The following B3GNT2 variants were observed in gnomAD, a reference collection of about 807,000 sequenced individuals.
The protein encoded by B3GNT2 is N-acetyllactosaminide beta-1,3-N-acetylglucosaminyltransferase 2.
B3GNT2 carries 12 observed loss-of-function variants against 27.6 expected under a neutral mutation model. The observed-to-expected ratio is 0.44, with a 90% CI of 0.28 to 0.71. The LOEUF (loss-of-function observed/expected upper bound fraction) is 0.71, where lower values mean the gene tolerates loss of function less well. Among genes scored for constraint, B3GNT2 ranks in the 30% least tolerant of loss-of-function variants. The probability of loss-of-function intolerance (pLI) is 0.17; values close to 1 mark genes in which losing one functional copy is unlikely to be tolerated. For synonymous variants in B3GNT2, 192 were observed against 189.7 expected (o/e 1.01, Z -0.10); for missense variants, 413 against 488.5 (o/e 0.85, Z 1.46).
chr2:62,208,477 T>C (rs1405785757), intron 1 of B3GNT2, among the ~76,000 whole-genome samples: 1 of 152,176 alleles, frequency 6.6e-6, no homozygotes, highest in Non-Finnish European at 1.5e-5. Flanking sequence ...TCCTGAGTCA[T>C]GTTTTTAGGT....
At chr2:62,208,670 G>T (rs1428528806) in intron 1 of B3GNT2, among the ~76,000 whole-genome samples, 1 of 152,124 alleles carries the variant, frequency 6.6e-6, no homozygotes, top group African/African-American at 2.4e-5. Context: ...ATCCAAGAAT[G>T]GTTTGCTAGA....
chr2:62,220,288 A>G (rs764137776), intron 1 of B3GNT2, among the ~76,000 whole-genome samples: 6 of 152,234 alleles, frequency 3.9e-5, no homozygotes, highest in Non-Finnish European at 8.8e-5. Flanking sequence ...TAGACGCAAG[A>G]TGGAGTCAGC....
chr2:62,200,556 T>C (rs562967870), intron 1 of B3GNT2, among the ~76,000 whole-genome samples: 58 of 152,294 alleles, frequency 3.8e-4, no homozygotes, highest in African/African-American at 1.3e-3. Context: ...GTCCATAAGA[T>C]GAGGATTTTT....
At chr2:62,207,178 A>G (rs1033300051) in intron 1 of B3GNT2, among the ~76,000 whole-genome samples, 2 of 151,182 alleles carry the variant, frequency 1.3e-5, no homozygotes, top group South Asian at 2.1e-4. Context: ...CTCAAACTCT[A>G]CAGTTTTGTT....
chr2:62,220,172 G>T (rs1674662123), intron 1 of B3GNT2, among the ~76,000 whole-genome samples: 1 of 152,218 alleles, frequency 6.6e-6, no homozygotes, highest in Non-Finnish European at 1.5e-5. Flanking sequence ...GTTTTATGGA[G>T]GGACTGTTAC....
At chr2:62,215,131 C>T (rs1674548827) in intron 1 of B3GNT2, among the ~76,000 whole-genome samples, 1 of 152,170 alleles carries the variant, frequency 6.6e-6, no homozygotes, top group South Asian at 2.1e-4. Flanking sequence ...TATGTCCTGC[C>T]AGATGCTTTG....
At chr2:62,219,801 G>T (rs1022636886) in intron 1 of B3GNT2, among the ~76,000 whole-genome samples, 7 of 152,176 alleles carry the variant, frequency 4.6e-5, no homozygotes, top group African/African-American at 1.7e-4. Context: ...AAGGTATGAG[G>T]TTAGGTTTTT....
At chr2:62,216,060 G>A (rs949084845) in intron 1 of B3GNT2, among the ~76,000 whole-genome samples, 2 of 152,126 alleles carry the variant, frequency 1.3e-5, no homozygotes, top group Non-Finnish European at 2.9e-5. Flanking sequence ...AGCCCATGGC[G>A]GGGGAGTCAG....
chr2:62,210,995 A>T (rs995673191), intron 1 of B3GNT2, among the ~76,000 whole-genome samples: 2 of 152,144 alleles, frequency 1.3e-5, no homozygotes, highest in Non-Finnish European at 2.9e-5. Context: ...TGATGTGTCT[A>T]GGAGGGTGTT....
At chr2:62,209,188 C>G (rs1423566334) in intron 1 of B3GNT2, among the ~76,000 whole-genome samples, 3 of 151,996 alleles carry the variant, frequency 2.0e-5, no homozygotes, top group African/African-American at 7.3e-5. Context: ...GTTGATAGCC[C>G]AGAATGGAAG....
chr2:62,197,237 G>A (rs959275164), intron 1 of B3GNT2, among the ~76,000 whole-genome samples: 2 of 152,180 alleles, frequency 1.3e-5, no homozygotes, highest in Non-Finnish European at 2.9e-5. Context: ...ACTCCAGCAC[G>A]GCAGGCGGAC....
chr2:62,222,549 A>G lies in B3GNT2; in HGVS notation c.329A>G (p.Asn110Ser), dbSNP rs745565189. 6.2e-7 allele frequency: 1 copy of G among 1,614,176 alleles called. No homozygotes were observed. Among genetic ancestry groups the G allele is most frequent in the East Asian group, 2.2e-5 (1 of 44,890 alleles). ...GTCACGTCGGTGGTTACGGGTTTTA[A>G]CAACTTGCCGGACAGATTTAAAGAC... ...LRVTSVVTGF[N>S]NLPDRFKDFL... The change falls in exon 2 of 2, where the codon AAC becomes AGC. Residue 110 changes from asparagine to serine, a missense_variant. Transcript: ENST00000301998. The surrounding 1 kb of genome is among the most constrained non-coding windows in gnomAD (Gnocchi z 4.2).
intron 1 of B3GNT2, among the ~76,000 whole-genome samples, chr2:62,197,988 A>C (rs534742180): frequency 3.3e-5 from 5 of 152,376 alleles, no homozygotes; most frequent in Non-Finnish European, 7.3e-5. Flanking sequence ...ACAGAAGTGA[A>C]GGAGCCCCAT....
intron 1 of B3GNT2, among the ~76,000 whole-genome samples, chr2:62,212,312 C>G (rs1227741402): frequency 6.6e-6 from 1 of 152,116 alleles, no homozygotes; most frequent in Non-Finnish European, 1.5e-5. Context: ...GTACCAGGAG[C>G]CTAAGACTGG....
At chr2:62,203,855 G>C (rs546922317) in intron 1 of B3GNT2, among the ~76,000 whole-genome samples, 5 of 152,258 alleles carry the variant, frequency 3.3e-5, no homozygotes, top group Admixed American at 1.3e-4. Context: ...TGTCTTTGTA[G>C]CTATGGCAAC....
intron 1 of B3GNT2, among the ~76,000 whole-genome samples, chr2:62,204,588 T>G (rs1389846743): frequency 6.6e-6 from 1 of 152,240 alleles, no homozygotes; most frequent in Non-Finnish European, 1.5e-5. Context: ...TTTACCTTTA[T>G]TATTTTATGG....
chr2:62,202,163 G>A (rs1251898010), intron 1 of B3GNT2, among the ~76,000 whole-genome samples: 3 of 152,366 alleles, frequency 2.0e-5, no homozygotes, highest in Admixed American at 6.5e-5. Flanking sequence ...TTGGCTGTGC[G>A]TGATTGCTGC....
chr2:62,202,874 TC>T lies in B3GNT2; in HGVS notation c.-10+6524del, dbSNP rs573789095. ...TGCCCTCCTCCTCCTACCTCCCTTC[TC>T]CCCCTCATTTCACTCCAGGCACAAG... On this transcript the variant is annotated intron_variant, in intron 1 of 1. Coordinates refer to ENST00000301998, the MANE Select transcript of B3GNT2 (RefSeq NM_006577.6). Among the ~76,000 whole-genome samples the T allele has an allele frequency of 2.4e-3, 366 of 152,166 alleles. 3 individuals are homozygous for T. The highest frequency in any genetic ancestry group is 7.2e-3 in the African/African-American group (298 of 41,522).
At chr2:62,221,723 A>G (rs1262308378) in intron 1 of B3GNT2, 1 of 415,350 alleles carries the variant, frequency 2.4e-6, no homozygotes, top group Non-Finnish European at 4.7e-6. Context: ...ACAATGCGTC[A>G]CACATGTAAA....
Sources: gnomAD v4.1 joint callset for allele counts (sites outside exome capture counted in the v4.1 genomes callset) on GRCh38, gnomAD v4.1.1 for gene constraint, Gnocchi (gnomAD v3.1) non-coding constraint, MANE v1.5 for transcripts, NCBI Gene and HGNC (gene_info 2026-07-23, HGNC 2026-07-21) for gene names.